Variants in KCNIP4 observed in about 807,000 individuals in gnomAD.
The protein encoded by KCNIP4 is potassium voltage-gated channel interacting protein 4, also known as Kv channel-interacting protein 4.
Under a neutral mutation model 34.0 loss-of-function variants are expected in KCNIP4, and 12 were observed. The observed-to-expected ratio is 0.35, with a 90% CI of 0.23 to 0.57. KCNIP4 has a LOEUF of 0.57. Among genes scored for constraint, KCNIP4 ranks in the 20% least tolerant of loss-of-function variants. The pLI is 0.83. For missense variants in KCNIP4, 238 were observed against 311.7 expected (o/e 0.76, Z 1.78); for synonymous variants, 124 against 102.2 (o/e 1.21, Z -1.29).
intron 1 of KCNIP4, among the ~76,000 whole-genome samples, chr4:21,207,450 A>G (rs553655457): frequency 2.4e-4 from 37 of 152,294 alleles, no homozygotes; most frequent in Non-Finnish European, 2.2e-4. Flanking sequence ...TGTAATACAT[A>G]TGCATTGTTT....
chr4:21,732,136 T>A (rs1001272292), intron 1 of KCNIP4, among the ~76,000 whole-genome samples: 2 of 151,926 alleles, frequency 1.3e-5, no homozygotes, highest in East Asian at 3.9e-4. Flanking sequence ...TTTTAAAATA[T>A]GTAAAATAGG....
At chr4:21,013,069 G>A (rs1739204636) in intron 1 of KCNIP4, among the ~76,000 whole-genome samples, 1 of 152,160 alleles carries the variant, frequency 6.6e-6, no homozygotes, top group Admixed American at 6.5e-5. Flanking sequence ...AAAATTGAAT[G>A]CTTGAAGTCT....
chr4:21,210,208 C>T (rs1337077889), intron 1 of KCNIP4, among the ~76,000 whole-genome samples: 1 of 152,166 alleles, frequency 6.6e-6, no homozygotes, highest in Non-Finnish European at 1.5e-5. Context: ...GCCTCATTAA[C>T]AATTGTTGCC....
intron 1 of KCNIP4, among the ~76,000 whole-genome samples, chr4:21,311,124 A>C (rs1246345530): frequency 6.6e-6 from 1 of 152,174 alleles, no homozygotes; most frequent in Non-Finnish European, 1.5e-5. Flanking sequence ...GTAAATGCTC[A>C]ATAAATAGTA....
At chr4:21,589,386 G>A (rs966842480) in intron 1 of KCNIP4, among the ~76,000 whole-genome samples, 15 of 145,186 alleles carry the variant, frequency 1.0e-4, no homozygotes, top group African/African-American at 2.4e-4. Flanking sequence ...GTTCAGGGTC[G>A]GAGAAAAGGA....
intron 1 of KCNIP4, among the ~76,000 whole-genome samples, chr4:21,812,158 CTACTT>C: frequency 6.6e-6 from 1 of 152,130 alleles, no homozygotes. Context: ...CAAAAAGAGG[CTACTT>C]TATTTTAGAT....
At position 21,346,824 on chromosome 4, in the gene KCNIP4, G is replaced by A. The variant is rs182228710; in HGVS notation, c.62-464115C>T. 1.4e-3 allele frequency among the ~76,000 whole-genome samples: 215 copies of A among 152,148 alleles called. 1 individual carries two copies. The highest frequency in any genetic ancestry group is 5.0e-3 in the African/African-American group (208 of 41,502). ...CAAAACTATAACATACAATTTAAGAGAGCAACTGTAGATTTTCCAAGATAA... is the reference window on the plus strand; with the variant it reads ...CAAAACTATAACATACAATTTAAGAAAGCAACTGTAGATTTTCCAAGATAA... On this transcript the variant is annotated intron_variant, in intron 1 of 8. Transcript: ENST00000382152.
At chr4:21,020,963 G>A (rs143237463) in intron 1 of KCNIP4, among the ~76,000 whole-genome samples, 169 of 152,304 alleles carry the variant, frequency 1.1e-3, no homozygotes, top group African/African-American at 3.9e-3. Flanking sequence ...CTTTGCTTAA[G>A]GATGAGGATG....
chr4:20,988,312 G>GT (rs1560625523), intron 1 of KCNIP4, among the ~76,000 whole-genome samples: 1 of 152,164 alleles, frequency 6.6e-6, no homozygotes, highest in African/African-American at 2.4e-5. Context: ...TCTTAGGAAA[G>GT]TAAAAACTCA....
chr4:21,730,633 TGTAATGG>T (rs1414271358), intron 1 of KCNIP4, among the ~76,000 whole-genome samples: 2 of 152,220 alleles, frequency 1.3e-5, no homozygotes, highest in East Asian at 3.9e-4. Flanking sequence ...AATAAAACAT[TGTAATGG>T]GTAAAGGGGA....
chr4:21,931,490 T>C (rs1729563136), intron 1 of KCNIP4, among the ~76,000 whole-genome samples: 1 of 144,516 alleles, frequency 6.9e-6, no homozygotes, highest in South Asian at 2.3e-4. Context: ...CATTGTTCAA[T>C]TCCCACCTAT....
intron 1 of KCNIP4, among the ~76,000 whole-genome samples, chr4:21,334,892 G>C (rs1208535820): frequency 6.6e-6 from 1 of 151,992 alleles, no homozygotes; most frequent in African/African-American, 2.4e-5. Context: ...ACATTGTTTT[G>C]ATCAATCACC....
chr4:21,911,846 C>T (rs1018635760), intron 1 of KCNIP4, among the ~76,000 whole-genome samples: 25 of 151,980 alleles, frequency 1.6e-4, no homozygotes, highest in Non-Finnish European at 5.9e-5. Flanking sequence ...ATTGCCTGTT[C>T]GGCCAAGATA....
chr4:21,833,956 T>C (rs1215577672), intron 1 of KCNIP4, among the ~76,000 whole-genome samples: 2 of 151,836 alleles, frequency 1.3e-5, no homozygotes, highest in Non-Finnish European at 3.0e-5. Context: ...TCTATATCTC[T>C]GTTTTGGTAC....
intron 1 of KCNIP4, among the ~76,000 whole-genome samples, chr4:20,887,259 A>G (rs1268889977): frequency 3.9e-5 from 6 of 151,966 alleles, no homozygotes; most frequent in Non-Finnish European, 5.9e-5. Flanking sequence ...TCTGTGCATC[A>G]TATCAAAAAG....
chr4:21,943,419 G>A (rs990133023), intron 1 of KCNIP4, among the ~76,000 whole-genome samples: 2 of 151,976 alleles, frequency 1.3e-5, no homozygotes, highest in Non-Finnish European at 2.9e-5. Context: ...AGCTGGTTAT[G>A]GTCCCAGCTA....
At chr4:21,005,596 C>T (rs2149724163) in intron 1 of KCNIP4, among the ~76,000 whole-genome samples, 1 of 152,114 alleles carries the variant, frequency 6.6e-6, no homozygotes, top group East Asian at 1.9e-4. Context: ...TACATATAAC[C>T]TGCCTGAGAA....
intron 1 of KCNIP4, among the ~76,000 whole-genome samples, chr4:21,148,244 T>C (rs1752525154): frequency 6.6e-6 from 1 of 152,182 alleles, no homozygotes; most frequent in Non-Finnish European, 1.5e-5. Flanking sequence ...CTTTATGACA[T>C]TGTATATTAT....
intron 1 of KCNIP4, among the ~76,000 whole-genome samples, chr4:21,914,977 A>T (rs1454602000): frequency 6.6e-6 from 1 of 152,190 alleles, no homozygotes; most frequent in Non-Finnish European, 1.5e-5. Context: ...CACACAAATT[A>T]AAAACAGAAA....
Sources: allele counts gnomAD v4.1 joint callset (sites outside exome capture counted in the v4.1 genomes callset), GRCh38; gene constraint gnomAD v4.1.1; transcripts MANE v1.5; gene names NCBI Gene and HGNC (gene_info 2026-07-23, HGNC 2026-07-21).